Variants in PRKN observed in about 807,000 individuals in gnomAD.
PRKN encodes the protein parkin RBR E3 ubiquitin protein ligase.
A neutral mutation model predicts 59.5 loss-of-function variants in PRKN; 56 were observed. The observed-to-expected ratio is 0.94, with a 90% CI of 0.76 to 1.18. PRKN has a LOEUF of 1.18. Ranked by LOEUF, PRKN falls within the 50% of genes most tolerant of loss-of-function variation. The probability of loss-of-function intolerance (pLI) is 0.00; values close to 1 mark genes in which losing one functional copy is unlikely to be tolerated. For synonymous variants in PRKN, 250 were observed against 222.1 expected (o/e 1.13, Z -1.12); for missense variants, 657 against 596.4 (o/e 1.10, Z -1.06).
chr6:161,395,855 G>A lies in PRKN; in HGVS notation c.1084-8978C>T, dbSNP rs140770033. On this transcript the variant is annotated intron_variant, in intron 9 of 11. Coordinates refer to ENST00000366898, the MANE Select transcript of PRKN (RefSeq NM_004562.3). This position sits in a 1 kb window ranked among gnomAD's most constrained non-coding sequence, Gnocchi z 5.0. Reference sequence around the variant, plus strand: ...ATGGAGCTGGTCGTCTCATTCTGATGGGCCTGAATCTGGCCCGCCTGCCAG... The same window carrying A: ...ATGGAGCTGGTCGTCTCATTCTGATAGGCCTGAATCTGGCCCGCCTGCCAG... Among the ~76,000 whole-genome samples, 1 of 152,238 alleles carries A rather than the reference G, an allele frequency of 6.6e-6. No individual in the cohort carries two copies. Among genetic ancestry groups the A allele is most frequent in the Non-Finnish European group, 1.5e-5 (1 of 68,032 alleles).
intron 1 of PRKN, among the ~76,000 whole-genome samples, chr6:162,636,443 A>G (rs756583350): frequency 2.0e-5 from 3 of 152,212 alleles, no homozygotes; most frequent in Admixed American, 1.3e-4. Context: ...CCCATTTTAC[A>G]AATGAAGAAA....
chr6:162,046,717 A>G (rs1784263537), intron 5 of PRKN, among the ~76,000 whole-genome samples: 1 of 152,208 alleles, frequency 6.6e-6, no homozygotes, highest in Admixed American at 6.5e-5. Context: ...ATGAAAAAGA[A>G]GTTATGTCAT....
intron 9 of PRKN, among the ~76,000 whole-genome samples, chr6:161,506,242 A>T (rs1418424712): frequency 6.6e-6 from 1 of 151,986 alleles, no homozygotes; most frequent in Non-Finnish European, 1.5e-5. Flanking sequence ...GGTCCTTCAC[A>T]TCCCTTGTAA....
intron 6 of PRKN, among the ~76,000 whole-genome samples, chr6:161,964,972 C>T (rs1332283824): frequency 6.6e-6 from 1 of 151,972 alleles, no homozygotes; most frequent in East Asian, 1.9e-4. Context: ...TGTGAATTGA[C>T]AAAAGAAGCT....
intron 4 of PRKN, among the ~76,000 whole-genome samples, chr6:162,060,487 G>A (rs139168449): frequency 0.011 from 1,728 of 152,186 alleles, 31 homozygotes; most frequent in African/African-American, 0.04. Context: ...CCCCACAGAG[G>A]GAAAGCATTG....
At chr6:162,528,968 C>T (rs1778399865) in intron 1 of PRKN, among the ~76,000 whole-genome samples, 1 of 152,052 alleles carries the variant, frequency 6.6e-6, no homozygotes, top group Non-Finnish European at 1.5e-5. Context: ...ACCTCCACCT[C>T]CTGGGTTCAA....
chr6:161,867,032 G>T (rs529387115), intron 6 of PRKN, among the ~76,000 whole-genome samples: 5 of 152,168 alleles, frequency 3.3e-5, no homozygotes, highest in Non-Finnish European at 5.9e-5. Context: ...GGGCCCACAT[G>T]ATGAGCCTCG....
chr6:162,238,700 C>A (rs1265542689), intron 3 of PRKN, among the ~76,000 whole-genome samples: 1 of 152,112 alleles, frequency 6.6e-6, no homozygotes, highest in Non-Finnish European at 1.5e-5. Context: ...TTGGTTGTGA[C>A]CTAGAATATT....
chr6:161,745,157 T>C (rs1788362567), intron 7 of PRKN, among the ~76,000 whole-genome samples: 2 of 152,350 alleles, frequency 1.3e-5, no homozygotes, highest in South Asian at 4.1e-4. Context: ...AGAAGTTACA[T>C]TAGATCTGGT....
intron 6 of PRKN, among the ~76,000 whole-genome samples, chr6:161,866,641 G>T (rs536650150): frequency 1.2e-4 from 18 of 152,268 alleles, no homozygotes; most frequent in African/African-American, 4.1e-4. Context: ...AGCACAGGCT[G>T]CTGGAGAAAT....
chr6:162,120,065 T>G (rs1287603377), intron 4 of PRKN, among the ~76,000 whole-genome samples: 3 of 152,224 alleles, frequency 2.0e-5, no homozygotes, highest in Non-Finnish European at 4.4e-5. Context: ...TCATCCAGAC[T>G]GGAGCTCAGT....
intron 4 of PRKN, among the ~76,000 whole-genome samples, chr6:162,147,823 C>A (rs1782093679): frequency 1.3e-5 from 2 of 152,066 alleles, no homozygotes; most frequent in South Asian, 2.1e-4. Context: ...AGAGGCATTA[C>A]AGGGTTATAA....
intron 4 of PRKN, among the ~76,000 whole-genome samples, chr6:162,156,362 A>G (rs1782514866): frequency 6.6e-6 from 1 of 152,170 alleles, no homozygotes; most frequent in Non-Finnish European, 1.5e-5. Context: ...AAATCCCACA[A>G]TAGGCCATCT....
chr6:162,300,175 A>G (rs975467663), intron 2 of PRKN, among the ~76,000 whole-genome samples: 6 of 152,194 alleles, frequency 3.9e-5, no homozygotes, highest in Non-Finnish European at 7.3e-5. Flanking sequence ...AATATGGAAT[A>G]CAAACATGAA....
intron 7 of PRKN, among the ~76,000 whole-genome samples, chr6:161,639,108 G>T (rs1046794829): frequency 6.6e-6 from 1 of 152,146 alleles, no homozygotes; most frequent in East Asian, 1.9e-4. Flanking sequence ...AGAAGGACAT[G>T]TTTGCTTTCC....
chr6:162,166,300 A>C (rs1782987168), intron 4 of PRKN, among the ~76,000 whole-genome samples: 1 of 152,066 alleles, frequency 6.6e-6, no homozygotes, highest in Non-Finnish European at 1.5e-5. Flanking sequence ...CAGAGTAGAG[A>C]CCACATGACT....
At chr6:162,121,428 A>G (rs930939845) in intron 4 of PRKN, among the ~76,000 whole-genome samples, 28 of 152,178 alleles carry the variant, frequency 1.8e-4, no homozygotes, top group African/African-American at 6.0e-4. Context: ...CCACTAAAAA[A>G]GAAGGACAGT....
At chr6:162,166,020 C>T (rs1782966041) in intron 4 of PRKN, among the ~76,000 whole-genome samples, 1 of 136,594 alleles carries the variant, frequency 7.3e-6, no homozygotes, top group African/African-American at 2.9e-5. Flanking sequence ...TGCACTCCAG[C>T]CTGGGCAACA....
intron 5 of PRKN, among the ~76,000 whole-genome samples, chr6:162,023,421 A>G (rs1013573623): frequency 6.6e-6 from 1 of 152,112 alleles, no homozygotes; most frequent in African/African-American, 2.4e-5. Context: ...CTGATGGGGC[A>G]GCAAGAAGGA....
Sources: gnomAD v4.1 joint callset for allele counts (sites outside exome capture counted in the v4.1 genomes callset) on GRCh38, gnomAD v4.1.1 for gene constraint, Gnocchi (gnomAD v3.1) non-coding constraint, MANE v1.5 for transcripts, NCBI Gene and HGNC (gene_info 2026-07-23, HGNC 2026-07-21) for gene names.